SMG1: variants seen among roughly 807,000 people sequenced by gnomAD.
The protein encoded by SMG1 is serine/threonine-protein kinase SMG1.
A neutral mutation model predicts 419.9 loss-of-function variants in SMG1; 22 were observed. That is an observed-to-expected ratio of 0.05 (90% CI 0.04 to 0.07). The LOEUF (loss-of-function observed/expected upper bound fraction) is 0.07, where lower values mean the gene tolerates loss of function less well. Ranked by LOEUF, SMG1 falls within the 10% of genes least tolerant of loss-of-function variation. The probability of loss-of-function intolerance (pLI) is 1.00; values close to 1 mark genes in which losing one functional copy is unlikely to be tolerated. For synonymous variants in SMG1, 1,538 were observed against 1,553.5 expected (o/e 0.99, Z 0.23); for missense variants, 3,185 against 4,342.0 (o/e 0.73, Z 7.49).
At chr16:18,883,124 C>G (rs1250134168) in intron 9 of SMG1, among the ~76,000 whole-genome samples, 2 of 151,988 alleles carry the variant, frequency 1.3e-5, no homozygotes, top group African/African-American at 4.8e-5. Context: ...CGACTACAAG[C>G]AGCAAAGATG....
rs1223283056 is a variant in SMG1, at chr16:18,806,412, T to G, written c.*3157A>C. On this transcript the variant is annotated 3_prime_UTR_variant, in exon 63 of 63. Transcript: ENST00000446231. The stretch of plus-strand genomic sequence containing the variant: ...AAGAGCCTGATTATCAGTTCTCACA[T>G]GGAAATCTCAACAGATTTCAAAAGC... The G allele has an allele frequency of 1.3e-5, 2 of 152,722 alleles. No homozygotes were observed. The highest frequency in any genetic ancestry group is 3.9e-4 in the East Asian group (2 of 5,186). The allele number at this position is 152,722 out of a possible 1,614,324, so 9.5% of individuals were successfully genotyped here.
At chr16:18,885,712 G>C (rs754175937) in intron 6 of SMG1, 46 bp from the exon 7 acceptor site, 1 of 1,572,770 alleles carries the variant, frequency 6.4e-7, no homozygotes, top group African/African-American at 1.3e-5. Flanking sequence ...ACAAAATAGG[G>C]AGAAAACAAG....
In SMG1 at chr16:18,811,925, G is replaced by C. The variant is rs1372964821; in HGVS notation, c.10801+23C>G. On this transcript the variant is annotated intron_variant, in intron 61 of 62. Transcript: ENST00000446231. ...CCGTCATTTTATATAAAAATTTAAG[G>C]CATCTTTATTCTAACTAATTACCTT... The C allele has an allele frequency of 2.5e-6, 4 of 1,612,412 alleles. No homozygotes were observed. The South Asian group carries it at 4.4e-5, about 18-fold the overall frequency.
chr16:18,843,105 A>G (rs1288715191), intron 39 of SMG1, among the ~76,000 whole-genome samples: 1 of 152,194 alleles, frequency 6.6e-6, no homozygotes, highest in Non-Finnish European at 1.5e-5. Flanking sequence ...CTATGTATGC[A>G]CAACACCAAA....
chr16:18,821,175 C>A (rs2141155982), intron 55 of SMG1, among the ~76,000 whole-genome samples: 1 of 148,478 alleles, frequency 6.7e-6, no homozygotes, highest in South Asian at 2.1e-4. Context: ...TATTAAGGCA[C>A]AGTAATTATC....
chr16:18,835,298 A>C, intron 48 of SMG1, 134 bp from the exon 49 acceptor site: 1 of 976,838 alleles, frequency 1.0e-6, no homozygotes, highest in South Asian at 1.8e-5. Context: ...AAAATGTCTC[A>C]AGAGCTTAAG....
intron 10 of SMG1, among the ~76,000 whole-genome samples, chr16:18,880,838 A>G (rs534544626): frequency 2.0e-5 from 3 of 151,798 alleles, no homozygotes; most frequent in Non-Finnish European, 4.4e-5. Context: ...GTTCAAGACC[A>G]GCCTGGGAAA....
chr16:18,913,961 G>A (rs1465716038), intron 1 of SMG1, among the ~76,000 whole-genome samples: 2 of 152,062 alleles, frequency 1.3e-5, no homozygotes, highest in Admixed American at 1.3e-4. Context: ...GAGGTCGGGA[G>A]ATGAAGAACA....
intron 23 of SMG1, among the ~76,000 whole-genome samples, chr16:18,865,499 G>C (rs1350732414): frequency 6.6e-6 from 1 of 151,556 alleles, no homozygotes; most frequent in East Asian, 1.9e-4. Context: ...TTCCAAGAAA[G>C]TAATCAGAAA....
intron 31 of SMG1, 102 bp downstream of exon 31, chr16:18,853,481 C>T (rs1164251090): frequency 2.8e-6 from 3 of 1,071,614 alleles, no homozygotes; most frequent in Non-Finnish European, 3.9e-6. Flanking sequence ...CACAGATATA[C>T]TTTTTATGGA....
chr16:18,903,737 AGTACTGTCTAAT>A (rs1005360127), intron 1 of SMG1, among the ~76,000 whole-genome samples: 7 of 152,192 alleles, frequency 4.6e-5, no homozygotes, highest in African/African-American at 1.7e-4. Context: ...ACTCAGACCC[AGTACTGTCTAAT>A]GTTTGAGCTC....
chr16:18,921,478 T>C (rs1388158585), intron 1 of SMG1, among the ~76,000 whole-genome samples: 1 of 152,224 alleles, frequency 6.6e-6, no homozygotes, highest in Admixed American at 6.5e-5. Flanking sequence ...CACAATTTGC[T>C]GAAATTTTCC....
intron 33 of SMG1, among the ~76,000 whole-genome samples, chr16:18,851,864 A>C (rs891941107): frequency 3.9e-5 from 6 of 152,098 alleles, no homozygotes; most frequent in Non-Finnish European, 7.4e-5. Flanking sequence ...TTTTAACAGG[A>C]CTCTAAGGAA....
At chr16:18,856,327 T>C (rs1004483177) in intron 29 of SMG1, 1 of 106,028 alleles carries the variant, frequency 9.4e-6, no homozygotes, top group African/African-American at 3.7e-5. Context: ...CACACCCAGG[T>C]GATTTTTTTT....
At chr16:18,909,748 C>A (rs2037718104) in intron 1 of SMG1, among the ~76,000 whole-genome samples, 1 of 152,158 alleles carries the variant, frequency 6.6e-6, no homozygotes, top group South Asian at 2.1e-4. Context: ...TTGCTAGCTG[C>A]TGAAACATAC....
Position 18,882,341 on chromosome 16 carries a change from A to G in SMG1, c.1120-3T>C. 1 of 1,578,734 alleles carries G rather than the reference A, an allele frequency of 6.3e-7. No homozygotes were observed. The highest frequency in any genetic ancestry group is 8.6e-7 in the Non-Finnish European group (1 of 1,161,876). On this transcript the variant is annotated splice_region_variant and splice_polypyrimidine_tract_variant and intron_variant, in intron 9 of 62. Coordinates refer to ENST00000446231, the MANE Select transcript of SMG1 (RefSeq NM_015092.5). The stretch of plus-strand genomic sequence containing the variant: ...CCAGAGGCCACATGGCTGAGGTCCT[A>G]GATGTGAATTCACAGCATTCTTAAT...
At chr16:18,819,685 T>C in intron 55 of SMG1, 31 bp from the exon 56 acceptor site, 1 of 1,496,414 alleles carries the variant, frequency 6.7e-7, no homozygotes, top group Non-Finnish European at 8.9e-7. Context: ...TTGGTGAAGG[T>C]ATATGACATT....
At chr16:18,872,078 T>C (rs1212238737) in intron 15 of SMG1, 106 bp downstream of exon 15, 6 of 629,502 alleles carry the variant, frequency 9.5e-6, no homozygotes, top group Non-Finnish European at 1.6e-5. Context: ...CTCACCTCTA[T>C]AATCCACATT....
At chr16:18,908,593 G>C (rs2037669141) in intron 1 of SMG1, among the ~76,000 whole-genome samples, 1 of 151,468 alleles carries the variant, frequency 6.6e-6, no homozygotes, top group Non-Finnish European at 1.5e-5. Flanking sequence ...TATAAGAAAT[G>C]AATGGGCCAG....
Sources: allele counts gnomAD v4.1 joint callset (sites outside exome capture counted in the v4.1 genomes callset), GRCh38; gene constraint gnomAD v4.1.1; transcripts MANE v1.5; gene names NCBI Gene and HGNC (gene_info 2026-07-23, HGNC 2026-07-21).